STARD9: variants seen among roughly 807,000 people sequenced by gnomAD.
STARD9 encodes stAR-related lipid transfer protein 9.
In STARD9, 346 loss-of-function variants were observed where a neutral mutation model predicts 399.8. That is an observed-to-expected ratio of 0.87 (90% CI 0.79 to 0.95). The LOEUF (loss-of-function observed/expected upper bound fraction) is 0.95. STARD9 is among the 40% of genes least tolerant of loss of function. The pLI is 0.00. For synonymous variants in STARD9, 2,203 were observed against 2,143.5 expected (o/e 1.03, Z -0.77); for missense variants, 5,832 against 5,667.5 (o/e 1.03, Z -0.93).
intron 26 of STARD9, among the ~76,000 whole-genome samples, chr15:42,705,865 G>T (rs2061065755): frequency 6.6e-6 from 1 of 152,048 alleles, no homozygotes; most frequent in South Asian, 2.1e-4. Flanking sequence ...CGATTCTCTT[G>T]TCTCAGCCTG....
rs1455614873 is a variant in STARD9, at chr15:42,693,494, T to C, written c.11916T>C (p.Asn3972=). ...GTAGAAGTTCCTTACAAAGGAGTAATGGGAGATCCTTCCTTGAGTTGCACT... is the reference window on the plus strand; with the variant it reads ...GTAGAAGTTCCTTACAAAGGAGTAACGGGAGATCCTTCCTTGAGTTGCACT... ...QRGRSSLQRS[N]GRSFLELHSP... The change falls in exon 23 of 33, where the codon AAT becomes AAC. Residue 3972 remains asparagine, a synonymous_variant. Transcript: ENST00000290607. 6.5e-7 allele frequency: 1 copy of C among 1,537,226 alleles called. No homozygotes were observed. The highest frequency in any genetic ancestry group is 8.7e-7 in the Non-Finnish European group (1 of 1,146,906).
At chr15:42,675,268 G>C (rs1030714518) in intron 18 of STARD9, among the ~76,000 whole-genome samples, 3 of 152,180 alleles carry the variant, frequency 2.0e-5, no homozygotes, top group Non-Finnish European at 2.9e-5. Context: ...TCATTGTGAG[G>C]ATTGAATGAA....
At chr15:42,578,582 A>C (rs2058103734) in intron 1 of STARD9, among the ~76,000 whole-genome samples, 1 of 150,464 alleles carries the variant, frequency 6.6e-6, no homozygotes, top group Admixed American at 6.6e-5. Context: ...CTAGAAGACT[A>C]TTTGCCCTGT....
At chr15:42,636,435 G>T (rs1436374372) in intron 4 of STARD9, among the ~76,000 whole-genome samples, 1 of 152,138 alleles carries the variant, frequency 6.6e-6, no homozygotes, top group African/African-American at 2.4e-5. Flanking sequence ...ACAAAAATTA[G>T]CCAGACATGG....
At chr15:42,694,787 C>T in intron 24 of STARD9, 62 bp downstream of exon 24, 2 of 1,410,830 alleles carry the variant, frequency 1.4e-6, no homozygotes, top group African/African-American at 1.5e-5. Flanking sequence ...GTATGGGGAG[C>T]AGGAGCTGAA....
At chr15:42,674,709 CCT>C (rs2060273992) in intron 17 of STARD9, 116 bp from the exon 18 acceptor site, 4 of 1,400,450 alleles carry the variant, frequency 2.9e-6, no homozygotes, top group Non-Finnish European at 2.8e-6. Flanking sequence ...GTCAGCTCTT[CCT>C]CTTTTATTAT....
chr15:42,711,964 A>G (rs1447817631), intron 26 of STARD9, among the ~76,000 whole-genome samples: 1 of 142,342 alleles, frequency 7.0e-6, no homozygotes, highest in Non-Finnish European at 1.5e-5. Context: ...AACAGTTGCT[A>G]TGACCTACTT....
rs777438608 is a variant in STARD9, at chr15:42,685,975, T to C, written c.4397T>C (p.Leu1466Pro). The part of the protein sequence containing the change: ...ASHNSSVSNV[L>P]AASATTLTHV... ...CACAATTCTAGCGTATCAAACGTGCTGGCTGCCTCTGCCACCACCTTGACT... is the reference window on the plus strand; with the variant it reads ...CACAATTCTAGCGTATCAAACGTGCCGGCTGCCTCTGCCACCACCTTGACT... The change falls in exon 23 of 33, where the codon CTG becomes CCG. Residue 1466 changes from leucine to proline, a missense_variant. Physicochemically the swap from Leu to Pro is moderately conservative, Grantham distance 98. This residue lies in a region of STARD9 where 5,828 missense variants were observed against 5,651.1 expected (regional missense o/e 1.03). Coordinates refer to ENST00000290607, the MANE Select transcript of STARD9 (RefSeq NM_020759.3). 2.5e-5 allele frequency: 39 copies of C among 1,537,150 alleles called. No homozygotes were observed. The highest frequency in any genetic ancestry group is 1.1e-5 in the Non-Finnish European group (13 of 1,146,930).
rs573745386 is a variant in STARD9 at position 42,686,015 on chromosome 15, C to T, written c.4437C>T (p.Thr1479=). 26 of 1,537,310 alleles carry T rather than the reference C, an allele frequency of 1.7e-5. No individual in the cohort carries two copies. The African/African-American group carries it at 3.1e-4, about 19-fold the overall frequency. ...CCACCTTGACTCATGTAGGCAGCAC[C>T]CATGAAAGGGATTGGTCTGCCCTTC... The part of the protein sequence containing the change: ...SATTLTHVGS[T]HERDWSALQQ... Residue 1479 remains threonine, a synonymous_variant, in exon 23 of 33, where the codon ACC becomes ACT. Coordinates refer to ENST00000290607, the MANE Select transcript of STARD9 (RefSeq NM_020759.3).
At chr15:42,626,079 G>A (rs746877009) in intron 3 of STARD9, among the ~76,000 whole-genome samples, 7 of 151,772 alleles carry the variant, frequency 4.6e-5, no homozygotes, top group South Asian at 4.2e-4. Flanking sequence ...CTGCCACCAC[G>A]CCTGGCTAAT....
At chr15:42,664,792 AC>A (rs2060058322) in intron 13 of STARD9, among the ~76,000 whole-genome samples, 1 of 72,794 alleles carries the variant, frequency 1.4e-5, no homozygotes, top group African/African-American at 1.7e-4. Context: ...ATCCTTTAAC[AC>A]ACACACACAC....
At chr15:42,646,667 G>T (rs1267864781) in intron 7 of STARD9, among the ~76,000 whole-genome samples, 3 of 152,226 alleles carry the variant, frequency 2.0e-5, no homozygotes, top group Admixed American at 6.5e-5. Flanking sequence ...ATATCAGCAA[G>T]AAGGCTGTTT....
chr15:42,654,318 A>T (rs1415190334), intron 9 of STARD9, among the ~76,000 whole-genome samples: 1 of 152,198 alleles, frequency 6.6e-6, no homozygotes, highest in East Asian at 1.9e-4. Context: ...TAAAAGCAAG[A>T]CCCAACTACA....
At chr15:42,645,317 C>G (rs2059624607) in intron 7 of STARD9, among the ~76,000 whole-genome samples, 2 of 152,158 alleles carry the variant, frequency 1.3e-5, no homozygotes, top group Non-Finnish European at 1.5e-5. Context: ...GTCCATTGGC[C>G]ATAGAACAGA....
intron 3 of STARD9, among the ~76,000 whole-genome samples, chr15:42,588,796 TTTTTTTTTTTTTTTTTTTTGGAGTGG>T (rs2058335646): frequency 2.5e-5 from 1 of 40,656 alleles, no homozygotes. Flanking sequence ...TTTTTTTTTT[TTTTTTTTTTTTTTTTTTTTGGAGTGG>T]GGGGTGGGGG....
chr15:42,660,500 G>A lies in STARD9; in HGVS notation c.703-658G>A, dbSNP rs181554148. The stretch of plus-strand genomic sequence containing the variant: ...AATCACTTGAACTTGGGAGGCCAGA[G>A]GTTGCAGTGGGCCGAGATCGTGCCA... On this transcript the variant is annotated intron_variant, in intron 9 of 32. Coordinates refer to ENST00000290607, the MANE Select transcript of STARD9 (RefSeq NM_020759.3). 4.7e-4 allele frequency among the ~76,000 whole-genome samples: 71 copies of A among 151,916 alleles called. No homozygotes were observed. The East Asian group carries it at 7.3e-3, about 16-fold the overall frequency.
At chr15:42,682,604 A>G in intron 22 of STARD9, 29 bp downstream of exon 22, 2 of 1,491,198 alleles carry the variant, frequency 1.3e-6, no homozygotes, top group Non-Finnish European at 1.8e-6. Context: ...ACTGGGAAGC[A>G]CTCGGTTAAA....
intron 13 of STARD9, 83 bp downstream of exon 13, chr15:42,664,000 T>G: frequency 1.1e-6 from 1 of 943,430 alleles, no homozygotes; most frequent in Non-Finnish European, 1.6e-6. Context: ...TTTCTTTCTC[T>G]TTGTACTCAC....
intron 12 of STARD9, 144 bp downstream of exon 12, chr15:42,663,634 T>G: frequency 1.6e-6 from 1 of 612,036 alleles, no homozygotes; most frequent in Admixed American, 2.9e-5. Context: ...ATGGCCCCAG[T>G]GAGTGGGATG....
Sources: gnomAD v4.1 joint callset for allele counts (sites outside exome capture counted in the v4.1 genomes callset) on GRCh38, gnomAD v4.1.1 for gene constraint, gnomAD v4.1.1 regional missense constraint, MANE v1.5 for transcripts, NCBI Gene and HGNC (gene_info 2026-07-23, HGNC 2026-07-21) for gene names.